Variants in CHN2 observed in about 807,000 individuals in gnomAD.
CHN2 encodes the protein chimerin 2.
CHN2 carries 35 observed loss-of-function variants against 56.3 expected under a neutral mutation model. That is an observed-to-expected ratio of 0.62 (90% CI 0.47 to 0.82). CHN2 has a LOEUF of 0.82. CHN2 is among the 40% of genes least tolerant of loss of function. The pLI, the probability that CHN2 is intolerant of heterozygous loss-of-function variation, is 0.00. For missense variants in CHN2, 491 were observed against 580.5 expected, an observed-to-expected ratio of 0.85 and a Z score of 1.58; for synonymous variants, 210 against 212.8, an observed-to-expected ratio of 0.99 and a Z score of 0.12.
chr7:29,409,554 T>G lies in CHN2; in HGVS notation c.576+8726T>G, dbSNP rs1347428465. 5.9e-5 allele frequency among the ~76,000 whole-genome samples: 9 copies of G among 152,276 alleles called. No individual in the cohort carries two copies. The East Asian group carries it at 1.5e-3, about 26-fold the overall frequency. On this transcript the variant is annotated intron_variant, in intron 6 of 12. Coordinates refer to ENST00000222792, the MANE Select transcript of CHN2 (RefSeq NM_004067.4). Reference sequence around the variant, plus strand: ...GCTCCTGTATTCAACCTGGGATATATTGTTTTATTTGAAGTATAGGAAGAA... The same window carrying G: ...GCTCCTGTATTCAACCTGGGATATAGTGTTTTATTTGAAGTATAGGAAGAA...
intron 7 of CHN2, among the ~76,000 whole-genome samples, chr7:29,480,812 T>C (rs191223222): frequency 2.5e-4 from 38 of 152,364 alleles, no homozygotes; most frequent in Middle Eastern, 3.4e-3. Flanking sequence ...CTTTCCTTTA[T>C]GCGTAGACAC....
At position 29,376,651 on chromosome 7, in the gene CHN2, A is replaced by G. The variant is rs553864839; in HGVS notation, c.144+8664A>G. Among the ~76,000 whole-genome samples, 6 of 152,294 alleles carry G rather than the reference A, an allele frequency of 3.9e-5. No individual in the cohort carries two copies. The East Asian group carries it at 1.2e-3, about 29-fold the overall frequency. On this transcript the variant is annotated intron_variant, in intron 3 of 12. Coordinates refer to ENST00000222792, the MANE Select transcript of CHN2 (RefSeq NM_004067.4). ...CATCCTTCCTCCCTAATCCCTTAGG[A>G]TAGAAGACTCAAGATGCTTTTGCCT...
chr7:29,263,493 T>C (rs1375329235), intron 1 of CHN2, among the ~76,000 whole-genome samples: 2 of 151,194 alleles, frequency 1.3e-5, no homozygotes, highest in Non-Finnish European at 3.0e-5. Flanking sequence ...CCGCCCATCG[T>C]CTGGGATGTG....
intron 1 of CHN2, among the ~76,000 whole-genome samples, chr7:29,307,672 A>ATTTC (rs1794276453): frequency 6.6e-6 from 1 of 152,158 alleles, no homozygotes; most frequent in Non-Finnish European, 1.5e-5. Context: ...GGGTTTTGAA[A>ATTTC]AAGAGAGGAA....
intron 1 of CHN2, among the ~76,000 whole-genome samples, chr7:29,226,433 A>G (rs1373313391): frequency 6.6e-6 from 1 of 152,112 alleles, no homozygotes; most frequent in Non-Finnish European, 1.5e-5. Flanking sequence ...AAAAATAAAC[A>G]ATATTTCCTG....
intron 1 of CHN2, among the ~76,000 whole-genome samples, chr7:29,225,274 T>C (rs1223854952): frequency 2.0e-5 from 3 of 152,180 alleles, no homozygotes; most frequent in Non-Finnish European, 4.4e-5. Flanking sequence ...AATCATAACA[T>C]TGTTGTGTTG....
chr7:29,355,222 C>G (rs1327647427), intron 2 of CHN2, among the ~76,000 whole-genome samples: 2 of 152,078 alleles, frequency 1.3e-5, no homozygotes, highest in African/African-American at 4.8e-5. Context: ...CCGCCTGCCT[C>G]GGCCTCCCAA....
chr7:29,387,781 G>A (rs1801036720), intron 3 of CHN2, among the ~76,000 whole-genome samples: 1 of 152,184 alleles, frequency 6.6e-6, no homozygotes. Flanking sequence ...TTTAGGCCAG[G>A]ACCCTAGGAG....
At chr7:29,323,642 G>T (rs561251272) in intron 1 of CHN2, among the ~76,000 whole-genome samples, 1 of 152,194 alleles carries the variant, frequency 6.6e-6, no homozygotes, top group Admixed American at 6.5e-5. Context: ...TTCAAAGGCA[G>T]TTTAGGGGGA....
At chr7:29,235,640 T>C (rs557507790) in intron 1 of CHN2, among the ~76,000 whole-genome samples, 19 of 152,334 alleles carry the variant, frequency 1.2e-4, no homozygotes, top group African/African-American at 4.6e-4. Flanking sequence ...TCAATGTAGA[T>C]GTCTATCAAC....
intron 6 of CHN2, among the ~76,000 whole-genome samples, chr7:29,472,289 A>ACACG (rs1554298712): frequency 2.0e-5 from 3 of 150,384 alleles, no homozygotes; most frequent in Admixed American, 6.6e-5. Flanking sequence ...ACACACACAC[A>ACACG]CACACACACG....
intron 2 of CHN2, among the ~76,000 whole-genome samples, chr7:29,150,060 T>G (rs1793378633): frequency 6.6e-6 from 1 of 152,214 alleles, no homozygotes. Context: ...CGTTAAGCCT[T>G]CTTTGATTGG....
chr7:29,392,737 T>C (rs559823097), intron 3 of CHN2, among the ~76,000 whole-genome samples: 3 of 152,180 alleles, frequency 2.0e-5, no homozygotes, highest in Non-Finnish European at 4.4e-5. Flanking sequence ...CCTGCTACTG[T>C]GCCTGTCTCT....
chr7:29,184,411 A>G (rs1306881855), intron 2 of CHN2: 1 of 152,122 alleles, frequency 6.6e-6, no homozygotes, highest in Non-Finnish European at 1.5e-5. Flanking sequence ...AGTATATGCA[A>G]TTGGCTCACT....
At chr7:29,450,351 C>T (rs1375281243) in intron 6 of CHN2, among the ~76,000 whole-genome samples, 2 of 152,194 alleles carry the variant, frequency 1.3e-5, no homozygotes, top group Admixed American at 1.3e-4. Context: ...GATGTGATTA[C>T]ATTAAGAATC....
intron 6 of CHN2, among the ~76,000 whole-genome samples, chr7:29,453,240 G>T (rs1483848633): frequency 6.6e-6 from 1 of 152,196 alleles, no homozygotes; most frequent in East Asian, 1.9e-4. Flanking sequence ...TGCTGAGGCC[G>T]CTGCACTCTG....
At position 29,216,169 on chromosome 7, in the gene CHN2, A is replaced by G. The variant is rs577551364; in HGVS notation, c.49+21179A>G. Among the ~76,000 whole-genome samples, 9 of 152,350 alleles carry G rather than the reference A, an allele frequency of 5.9e-5. No homozygotes were observed. The South Asian group carries it at 1.9e-3, about 32-fold the overall frequency. On this transcript the variant is annotated intron_variant, in intron 1 of 12. Transcript: ENST00000222792. The stretch of plus-strand genomic sequence containing the variant: ...AAAGCCAGAGGAAGAGGAAATTACA[A>G]TTAATAGCCTGGAAATTCCAATTAA...
At chr7:29,363,614 CA>C (rs1335849064) in intron 2 of CHN2, among the ~76,000 whole-genome samples, 1 of 152,146 alleles carries the variant, frequency 6.6e-6, no homozygotes, top group Non-Finnish European at 1.5e-5. Context: ...GGAGATGGTA[CA>C]CAAAATAAAT....
chr7:29,170,326 A>G (rs1268636934), intron 2 of CHN2, among the ~76,000 whole-genome samples: 1 of 152,184 alleles, frequency 6.6e-6, no homozygotes. Flanking sequence ...ATCTTCAAAC[A>G]CAAGATTTTA....
Sources: allele counts gnomAD v4.1 joint callset (sites outside exome capture counted in the v4.1 genomes callset), GRCh38; gene constraint gnomAD v4.1.1; transcripts MANE v1.5; gene names NCBI Gene and HGNC (gene_info 2026-07-23, HGNC 2026-07-21).